The following EED variants were observed in gnomAD, a reference collection of about 807,000 sequenced individuals.
The protein encoded by EED is polycomb protein EED.
EED carries 9 observed loss-of-function variants against 61.0 expected under a neutral mutation model. The observed-to-expected ratio is 0.15, with a 90% CI of 0.09 to 0.26. The LOEUF (loss-of-function observed/expected upper bound fraction) is 0.26, where lower values mean the gene tolerates loss of function less well. Among genes scored for constraint, EED ranks in the 10% least tolerant of loss-of-function variants. The probability of loss-of-function intolerance (pLI) is 1.00; values close to 1 mark genes in which losing one functional copy is unlikely to be tolerated. For missense variants in EED, 315 were observed against 542.3 expected (o/e 0.58, Z 4.16); for synonymous variants, 187 against 174.4 (o/e 1.07, Z -0.57).
chr11:86,250,517 TTCGTAC>T lies in EED; in HGVS notation c.267+72_267+77del, dbSNP rs1462420935. On this transcript the variant is annotated intron_variant, in intron 2 of 11. Coordinates refer to ENST00000263360, the MANE Select transcript of EED (RefSeq NM_003797.5). ...GAAATTATTTCTCTGTGGCACGCAT[TTCGTAC>T]TCAGGATACTCTGTCAAGTTGTAAA... 2.1e-6 allele frequency: 3 copies of T among 1,423,494 alleles called. No homozygotes were observed. The Admixed American group carries it at 8.2e-5, about 39-fold the overall frequency. The allele number at this position is 1,423,494 out of a possible 1,614,324, so 88.2% of individuals were successfully genotyped here.
At chr11:86,270,042 G>C in intron 9 of EED, 1 of 673,992 alleles carries the variant, frequency 1.5e-6, no homozygotes, top group Non-Finnish European at 2.7e-6. Context: ...TTGTGGTTAA[G>C]TTTGTTTAGT....
At chr11:86,256,015 T>C (rs912589821) in intron 4 of EED, among the ~76,000 whole-genome samples, 2 of 152,262 alleles carry the variant, frequency 1.3e-5, no homozygotes, top group Middle Eastern at 6.8e-3. Context: ...TTTATAGAGG[T>C]ATGGGGATAG....
chr11:86,252,484 C>A, intron 3 of EED, among the ~76,000 whole-genome samples: 1 of 144,810 alleles, frequency 6.9e-6, no homozygotes, highest in Non-Finnish European at 1.5e-5. Context: ...TATTTGTCTT[C>A]ATAAATACTT....
intron 9 of EED, among the ~76,000 whole-genome samples, chr11:86,275,256 C>G (rs1946203284): frequency 6.6e-6 from 1 of 152,160 alleles, no homozygotes; most frequent in Non-Finnish European, 1.5e-5. Context: ...GGAAAAAACA[C>G]ATCTGCTACA....
chr11:86,262,743 T>A (rs750758761), intron 6 of EED, among the ~76,000 whole-genome samples: 14 of 151,240 alleles, frequency 9.3e-5, no homozygotes, highest in Non-Finnish European at 1.9e-4. Flanking sequence ...ATTCCTGAGC[T>A]CAAGTGTCCA....
chr11:86,268,617 G>GTGTGTGTA, intron 9 of EED, 56 bp downstream of exon 9: 1 of 1,206,346 alleles, frequency 8.3e-7, no homozygotes, highest in Non-Finnish European at 1.2e-6. Context: ...GTGTGTGTGT[G>GTGTGTGTA]TGTGTGTGTA....
chr11:86,270,480 T>C (rs1202124048), intron 9 of EED, among the ~76,000 whole-genome samples: 2 of 152,104 alleles, frequency 1.3e-5, no homozygotes, highest in African/African-American at 4.8e-5. Flanking sequence ...TCATCCTCTT[T>C]AATAGGGTCT....
chr11:86,257,746 A>G, intron 6 of EED, 150 bp downstream of exon 6: 1 of 588,540 alleles, frequency 1.7e-6, no homozygotes, highest in Non-Finnish European at 2.8e-6. Context: ...ACAAAAAAAC[A>G]CAACCACAAC....
chr11:86,256,617 A>G, intron 5 of EED, 105 bp downstream of exon 5: 1 of 1,166,478 alleles, frequency 8.6e-7, no homozygotes, highest in Middle Eastern at 2.8e-4. Flanking sequence ...AACATTTCTC[A>G]TTTGATTTGT....
intron 9 of EED, chr11:86,269,998 C>A: frequency 1.6e-6 from 1 of 609,878 alleles, no homozygotes. Flanking sequence ...GTTTTCATTT[C>A]TCTGGGTAAA....
chr11:86,254,936 A>G (rs1945632326), intron 3 of EED, among the ~76,000 whole-genome samples: 1 of 152,204 alleles, frequency 6.6e-6, no homozygotes, highest in Non-Finnish European at 1.5e-5. Flanking sequence ...TTTATTTTTT[A>G]ATAGAGATGG....
At chr11:86,250,067 T>G (rs1383203553) in intron 1 of EED, among the ~76,000 whole-genome samples, 1 of 152,262 alleles carries the variant, frequency 6.6e-6, no homozygotes, top group African/African-American at 2.4e-5. Flanking sequence ...TCTTCCATTA[T>G]TCTCATTAGT....
the EED span, among the ~76,000 whole-genome samples, chr11:86,285,407 A>C: frequency 2.0e-5 from 3 of 152,114 alleles, no homozygotes; most frequent in East Asian, 5.8e-4. Flanking sequence ...GTGACAGAGC[A>C]AGACCCTGTC....
chr11:86,257,294 C>T (rs1252650977), intron 5 of EED, among the ~76,000 whole-genome samples: 3 of 150,110 alleles, frequency 2.0e-5, no homozygotes. Flanking sequence ...CTTAGCTTTC[C>T]AAAGTGCTTG....
chr11:86,248,532 G>A (rs1039273312), intron 1 of EED, among the ~76,000 whole-genome samples: 2 of 152,120 alleles, frequency 1.3e-5, no homozygotes, highest in Admixed American at 6.5e-5. Context: ...GAGGGAACCA[G>A]GCAAATGTTA....
chr11:86,283,092 A>C (rs1316206798), downstream of EED, among the ~76,000 whole-genome samples: 1 of 152,150 alleles, frequency 6.6e-6, no homozygotes, highest in Non-Finnish European at 1.5e-5. Flanking sequence ...GATTCTGTCC[A>C]CAAGCCATAG....
intron 6 of EED, among the ~76,000 whole-genome samples, chr11:86,260,834 C>T (rs992531304): frequency 6.6e-6 from 1 of 151,696 alleles, no homozygotes; most frequent in Non-Finnish European, 1.5e-5. Flanking sequence ...ATTTTTCAGA[C>T]CACATGAATA....
rs550489211 is a variant in EED at position 86,271,349 on chromosome 11, T to A, written c.966+2788T>A. On this transcript the variant is annotated intron_variant, in intron 9 of 11. Coordinates refer to ENST00000263360, the MANE Select transcript of EED (RefSeq NM_003797.5). Reference sequence around the variant, plus strand: ...TGTTCATAACTAATATATAGAAATATAATTGATTTTTGCATATTGATCTTG... The same window carrying A: ...TGTTCATAACTAATATATAGAAATAAAATTGATTTTTGCATATTGATCTTG... Among the ~76,000 whole-genome samples the A allele has an allele frequency of 2.5e-3, 386 of 152,348 alleles. 2 individuals are homozygous for A. The highest frequency in any genetic ancestry group is 4.4e-3 in the Non-Finnish European group (297 of 68,030).
chr11:86,278,306 G>A, intron 11 of EED, 93 bp from the exon 12 acceptor site: 1 of 1,505,722 alleles, frequency 6.6e-7, no homozygotes, highest in African/African-American at 1.4e-5. Flanking sequence ...CGTATGACTT[G>A]GAACATCTGC....
Sources: gnomAD v4.1 joint callset for allele counts (sites outside exome capture counted in the v4.1 genomes callset) on GRCh38, gnomAD v4.1.1 for gene constraint, MANE v1.5 for transcripts, NCBI Gene and HGNC (gene_info 2026-07-23, HGNC 2026-07-21) for gene names.